The following RAB11FIP3 variants were observed in gnomAD, a reference collection of about 807,000 sequenced individuals.
The protein encoded by RAB11FIP3 is rab11 family-interacting protein 3.
In RAB11FIP3, 17 loss-of-function variants were observed where a neutral mutation model predicts 77.8. The ratio of observed to expected loss-of-function variants is 0.22; its 90% CI spans 0.15 to 0.33. The LOEUF is 0.33. Ranked by LOEUF, RAB11FIP3 falls within the 10% of genes least tolerant of loss-of-function variation. The pLI is 1.00. For missense variants in RAB11FIP3, 1,005 were observed against 1,011.2 expected (o/e 0.99, Z 0.08); for synonymous variants, 437 against 448.2 (o/e 0.98, Z 0.31).
rs2054932486 is a variant in RAB11FIP3, at chr16:426,000, C to T, written c.-7C>T. On this transcript the variant is annotated 5_prime_UTR_variant, in exon 1 of 14. Coordinates refer to ENST00000262305, the MANE Select transcript of RAB11FIP3 (RefSeq NM_014700.4). ...GCGCCCTTCCGCACCACTAGCCTCT[C>T]GGGAGCATGGCGTCGGCCCCGCCGG... 1 of 982,824 alleles carries T rather than the reference C, an allele frequency of 1.0e-6. No homozygotes were observed. Among genetic ancestry groups the T allele is most frequent in the African/African-American group, 1.8e-5 (1 of 56,674 alleles). 60.9% of individuals were successfully genotyped at this position (982,824 alleles called of 1,614,324 possible).
At chr16:440,052 G>A (rs2141858458) in intron 1 of RAB11FIP3, among the ~76,000 whole-genome samples, 1 of 152,130 alleles carries the variant, frequency 6.6e-6, no homozygotes, top group Admixed American at 6.6e-5. Flanking sequence ...GTGTTAGCCA[G>A]GATGGTCTCG....
chr16:443,946 A>G (rs1402260756), intron 1 of RAB11FIP3, among the ~76,000 whole-genome samples: 1 of 152,238 alleles, frequency 6.6e-6, no homozygotes, highest in Non-Finnish European at 1.5e-5. Context: ...AATCTGATAC[A>G]GGAAGAATGG....
intron 12 of RAB11FIP3, 59 bp from the exon 13 acceptor site, chr16:520,400 G>C: frequency 6.2e-7 from 1 of 1,604,166 alleles, no homozygotes; most frequent in South Asian, 1.1e-5. Flanking sequence ...GGCAGTCCTT[G>C]TCCCTGCTCA....
chr16:467,613 C>T (rs2055728213), intron 2 of RAB11FIP3, among the ~76,000 whole-genome samples: 1 of 124,110 alleles, frequency 8.1e-6, no homozygotes, highest in Non-Finnish European at 1.7e-5. Flanking sequence ...GGTGCTGGGG[C>T]GTCAGGGAGG....
chr16:463,878 G>A (rs1271351439), intron 2 of RAB11FIP3, among the ~76,000 whole-genome samples: 2 of 152,230 alleles, frequency 1.3e-5, no homozygotes, highest in Admixed American at 6.5e-5. Context: ...AGCGGGCTGC[G>A]GCAGGACAAA....
intron 5 of RAB11FIP3, among the ~76,000 whole-genome samples, chr16:493,890 CT>C (rs1459088110): frequency 6.8e-6 from 1 of 146,070 alleles, no homozygotes; most frequent in Non-Finnish European, 1.5e-5. Context: ...TGCACCCAGC[CT>C]GCCTGGAGGT....
intron 2 of RAB11FIP3, among the ~76,000 whole-genome samples, chr16:467,438 G>A (rs945492675): frequency 2.0e-4 from 29 of 148,110 alleles, no homozygotes; most frequent in Admixed American, 2.0e-4. Flanking sequence ...GTGCTGGGAC[G>A]TCAGGGAGGA....
At chr16:441,899 C>T (rs1388147263) in intron 1 of RAB11FIP3, among the ~76,000 whole-genome samples, 1 of 152,230 alleles carries the variant, frequency 6.6e-6, no homozygotes, top group African/African-American at 2.4e-5. Flanking sequence ...AGTGCAGTGG[C>T]ACCATGTTGG....
chr16:432,463 A>G (rs2055053041), intron 1 of RAB11FIP3, among the ~76,000 whole-genome samples: 1 of 152,154 alleles, frequency 6.6e-6, no homozygotes, highest in Admixed American at 6.6e-5. Flanking sequence ...CCCCCCATCC[A>G]TTAATATCAT....
At chr16:468,694 TAGAG>T (rs1421232744) in intron 2 of RAB11FIP3, among the ~76,000 whole-genome samples, 1 of 152,104 alleles carries the variant, frequency 6.6e-6, no homozygotes, top group African/African-American at 2.4e-5. Flanking sequence ...TAGAATGAGA[TAGAG>T]AGGGATTGTT....
chr16:433,802 G>C (rs925739413), intron 1 of RAB11FIP3, among the ~76,000 whole-genome samples: 2 of 150,904 alleles, frequency 1.3e-5, no homozygotes, highest in African/African-American at 4.9e-5. Flanking sequence ...CTTGCAGTGA[G>C]CCGAGATCGT....
At chr16:508,095 C>G (rs903032325) in intron 8 of RAB11FIP3, among the ~76,000 whole-genome samples, 1 of 152,246 alleles carries the variant, frequency 6.6e-6, no homozygotes, top group African/African-American at 2.4e-5. Context: ...AAAGGGAGCA[C>G]AGGAGCCAGA....
At chr16:498,551 G>A (rs750116835) in intron 6 of RAB11FIP3, among the ~76,000 whole-genome samples, 3 of 152,032 alleles carry the variant, frequency 2.0e-5, no homozygotes, top group Non-Finnish European at 4.4e-5. Context: ...GTCTTGCTCT[G>A]TCTTGCTCTG....
intron 9 of RAB11FIP3, among the ~76,000 whole-genome samples, chr16:511,520 A>C (rs1372534817): frequency 2.0e-5 from 2 of 99,490 alleles, no homozygotes; most frequent in Admixed American, 9.9e-5. Flanking sequence ...CAGAACCTGC[A>C]GGCCAGGTAG....
chr16:452,318 G>A lies in RAB11FIP3; in HGVS notation c.715-9086G>A, dbSNP rs567234240. On this transcript the variant is annotated intron_variant, in intron 1 of 13. Coordinates refer to ENST00000262305, the MANE Select transcript of RAB11FIP3 (RefSeq NM_014700.4). The stretch of plus-strand genomic sequence containing the variant: ...CCACTGCACTCCAGCCTGGGTGATA[G>A]AGTGAGACTCCATCTTAAAAAAGGA... The A allele has an allele frequency of 2.0e-5, 3 of 152,170 alleles. No individual in the cohort carries two copies. The East Asian group carries it at 5.8e-4, about 29-fold the overall frequency. The allele number at this position is 152,170 out of a possible 1,614,324, so 9.4% of individuals were successfully genotyped here. A position where few individuals can be genotyped will look rare whatever the true frequency, so the allele number is the denominator to read the frequency against.
Position 471,456 on chromosome 16 carries a change from C to T in RAB11FIP3, c.903+67C>T, listed in dbSNP as rs2055807111. Reference sequence around the variant, plus strand: ...CCACCTCTTCCTTTATGCCCTACAGCTCGTGCCTCCTGCCTCCGGGCTGTC... The same window carrying T: ...CCACCTCTTCCTTTATGCCCTACAGTTCGTGCCTCCTGCCTCCGGGCTGTC... On this transcript the variant is annotated intron_variant, in intron 3 of 13. Transcript: ENST00000262305. This position sits in a 1 kb window ranked among gnomAD's most constrained non-coding sequence, Gnocchi z 4.4. 7.7e-7 allele frequency: 1 copy of T among 1,305,892 alleles called. No homozygotes were observed. The highest frequency in any genetic ancestry group is 2.5e-5 in the East Asian group (1 of 39,846). 80.9% of individuals were successfully genotyped at this position (1,305,892 alleles called of 1,614,324 possible).
intron 1 of RAB11FIP3, among the ~76,000 whole-genome samples, chr16:431,966 C>T (rs1385724285): frequency 6.6e-6 from 1 of 151,958 alleles, no homozygotes; most frequent in Non-Finnish European, 1.5e-5. Context: ...ACCGTGTTAG[C>T]CAGTATGGTC....
intron 2 of RAB11FIP3, among the ~76,000 whole-genome samples, chr16:468,203 AGTCAGGGAGGAGGTGCTGGGGC>A (rs1247535486): frequency 0.042 from 438 of 10,326 alleles, no homozygotes; most frequent in Middle Eastern, 0.1. Flanking sequence ...GGTGCAGGGA[AGTCAGGGAGGAGGTGCTGGGGC>A]GTCAGGGAGG....
chr16:522,291 T>G lies in RAB11FIP3; in HGVS notation c.*1452T>G, dbSNP rs1402406483. The G allele has an allele frequency of 6.8e-6, 1 of 147,574 alleles. No individual in the cohort carries two copies. The highest frequency in any genetic ancestry group is 2.5e-5 in the African/African-American group (1 of 39,814). The allele number at this position is 147,574 out of a possible 1,614,324, so 9.1% of individuals were successfully genotyped here. A position where few individuals can be genotyped will look rare whatever the true frequency, so the allele number is the denominator to read the frequency against. On this transcript the variant is annotated 3_prime_UTR_variant, in exon 14 of 14. Coordinates refer to ENST00000262305, the MANE Select transcript of RAB11FIP3 (RefSeq NM_014700.4). ...ATATATATGTATAATATATAAAGAC[T>G]GGCACCCTGCCTCTCTGTGCCCAGG...
Sources: allele counts gnomAD v4.1 joint callset (sites outside exome capture counted in the v4.1 genomes callset), GRCh38; gene constraint gnomAD v4.1.1; non-coding constraint Gnocchi (gnomAD v3.1); transcripts MANE v1.5; gene names NCBI Gene and HGNC (gene_info 2026-07-23, HGNC 2026-07-21).